Variants in HRH1 observed in about 807,000 individuals in gnomAD.
HRH1 encodes the protein histamine receptor H1, also known as histamine H1 receptor.
Under a neutral mutation model 10.3 loss-of-function variants are expected in HRH1, and 6 were observed. The observed-to-expected ratio is 0.58, with a 90% CI of 0.32 to 1.15. The LOEUF (loss-of-function observed/expected upper bound fraction) is 1.15, where lower values mean the gene tolerates loss of function less well. Among genes scored for constraint, HRH1 ranks in the 50% most tolerant of loss-of-function variants. The pLI, the probability that HRH1 is intolerant of heterozygous loss-of-function variation, is 0.05. For synonymous variants in HRH1, 242 were observed against 236.7 expected (o/e 1.02, Z -0.21); for missense variants, 514 against 615.3 (o/e 0.84, Z 1.74).
At chr3:11,153,581 G>A (rs1383180574), upstream of HRH1, among the ~76,000 whole-genome samples, 2 of 150,364 alleles carry the variant, frequency 1.3e-5, no homozygotes, top group African/African-American at 4.9e-5. Flanking sequence ...CGAAACTGCT[G>A]GGGTAAAATC....
intron 1 of HRH1, among the ~76,000 whole-genome samples, chr3:11,256,779 C>CA (rs1402296817): frequency 6.6e-6 from 1 of 151,928 alleles, no homozygotes; most frequent in African/African-American, 2.4e-5. Context: ...AGTCTGGCGA[C>CA]AGAGCGAGAC....
chr3:11,193,578 G>A (rs900404838), intron 1 of HRH1, among the ~76,000 whole-genome samples: 1 of 152,160 alleles, frequency 6.6e-6, no homozygotes, highest in Non-Finnish European at 1.5e-5. Flanking sequence ...CACATGGTGG[G>A]AAGGGTGTCT....
At position 11,261,120 on chromosome 3, in the gene HRH1, C is replaced by T. The variant is rs201623131; in HGVS notation, c.*619C>T. 6.0e-6 allele frequency: 1 copy of T among 167,080 alleles called. No homozygotes were observed. Among genetic ancestry groups the T allele is most frequent in the Non-Finnish European group, 1.5e-5 (1 of 68,136 alleles). The allele number at this position is 167,080 out of a possible 1,614,324, so 10.3% of individuals were successfully genotyped here. A position where few individuals can be genotyped will look rare whatever the true frequency, so the allele number is the denominator to read the frequency against. On this transcript the variant is annotated 3_prime_UTR_variant, in exon 2 of 2. Transcript: ENST00000431010. ...TCTCCAGAACCAGTGTCTGAACCAC[C>T]CTGGAAATTCTGCCTTATTATTTCT... is the stretch of plus-strand genomic sequence containing the variant.
rs917472419 is a variant in HRH1, at chr3:11,156,626, C to T, written c.-36+2072C>T. On this transcript the variant is annotated intron_variant, in intron 1 of 1. Transcript: ENST00000431010. ...TTGTGGCCTTGGTCAAGTTGCTACACGTCTCCGTTCCTTGGTTTCCCCATT... is the reference window on the plus strand; with the variant it reads ...TTGTGGCCTTGGTCAAGTTGCTACATGTCTCCGTTCCTTGGTTTCCCCATT... 4.6e-5 allele frequency among the ~76,000 whole-genome samples: 7 copies of T among 152,214 alleles called. No individual in the cohort carries two copies. The East Asian group carries it at 7.7e-4, about 17-fold the overall frequency.
intron 1 of HRH1, chr3:11,234,396 C>G: frequency 1.2e-6 from 2 of 1,605,212 alleles, no homozygotes; most frequent in Non-Finnish European, 1.7e-6. Context: ...TGCAGGCATT[C>G]CTGCATGGCC....
At chr3:11,256,229 A>G (rs1245235400) in intron 1 of HRH1, among the ~76,000 whole-genome samples, 1 of 152,100 alleles carries the variant, frequency 6.6e-6, no homozygotes, top group African/African-American at 2.4e-5. Context: ...CAATCAGAGG[A>G]TTGCTCTGAT....
chr3:11,237,273 G>A (rs1055920520), intron 1 of HRH1, among the ~76,000 whole-genome samples: 9 of 152,228 alleles, frequency 5.9e-5, no homozygotes, highest in Non-Finnish European at 7.4e-5. Flanking sequence ...CTTTTCTCAC[G>A]TTAGCACGGA....
intron 1 of HRH1, among the ~76,000 whole-genome samples, chr3:11,228,900 T>A: frequency 7.8e-6 from 1 of 127,816 alleles, no homozygotes; most frequent in African/African-American, 3.2e-5. Context: ...GGTGACAGAA[T>A]GAGAGTATGT....
At chr3:11,165,247 A>G (rs890877415) in intron 1 of HRH1, among the ~76,000 whole-genome samples, 1 of 152,208 alleles carries the variant, frequency 6.6e-6, no homozygotes, top group Admixed American at 6.5e-5. Context: ...ATTTGGGGCA[A>G]TAGCCCAGCA....
rs547353460 is a variant in HRH1, at chr3:11,167,098, T to A, written c.-36+12544T>A. The stretch of plus-strand genomic sequence containing the variant: ...CCCTGCATTCTCCAGGCCTGTGACA[T>A]CTGCTGTTCCCTGGATTCCCCAGGC... On this transcript the variant is annotated intron_variant, in intron 1 of 1. Coordinates refer to ENST00000431010, the MANE Select transcript of HRH1 (RefSeq NM_001098212.2). 5.3e-4 allele frequency among the ~76,000 whole-genome samples: 79 copies of A among 148,306 alleles called. 1 individual carries two copies. Among genetic ancestry groups the A allele is most frequent in the Admixed American group, 4.5e-3 (67 of 14,946 alleles).
intron 1 of HRH1, among the ~76,000 whole-genome samples, chr3:11,141,036 G>T (rs1211909379): frequency 1.3e-5 from 2 of 152,094 alleles, no homozygotes; most frequent in Non-Finnish European, 2.9e-5. Context: ...CCCAAGCTAT[G>T]AGGCCCAAGT....
intron 1 of HRH1, among the ~76,000 whole-genome samples, chr3:11,174,282 T>C (rs528213833): frequency 6.6e-6 from 1 of 152,242 alleles, no homozygotes; most frequent in East Asian, 1.9e-4. Flanking sequence ...CAAGACCAGA[T>C]TCCATGGCTC....
intron 1 of HRH1, among the ~76,000 whole-genome samples, chr3:11,190,357 A>G (rs1937515115): frequency 6.8e-6 from 1 of 146,948 alleles, no homozygotes; most frequent in Admixed American, 6.7e-5. Context: ...AGTAATATAT[A>G]TATATATATT....
chr3:11,246,131 C>T (rs1939479473), intron 1 of HRH1, among the ~76,000 whole-genome samples: 1 of 152,070 alleles, frequency 6.6e-6, no homozygotes, highest in Admixed American at 6.6e-5. Context: ...CACATTCACT[C>T]ACACATTCAC....
intron 1 of HRH1, among the ~76,000 whole-genome samples, chr3:11,243,680 T>A (rs2152581983): frequency 1.3e-5 from 2 of 152,214 alleles, no homozygotes; most frequent in South Asian, 4.2e-4. Context: ...GTACTTTGAG[T>A]CTTTCTTCTA....
chr3:11,236,194 C>T (rs1939177050), intron 1 of HRH1, among the ~76,000 whole-genome samples: 1 of 152,226 alleles, frequency 6.6e-6, no homozygotes, highest in Non-Finnish European at 1.5e-5. Flanking sequence ...CCTGTAATCT[C>T]AGCACTTTGG....
rs1453398929 is a variant in HRH1, at chr3:11,259,073, C to T, written c.36C>T (p.Asp12=). 3.1e-6 allele frequency: 5 copies of T among 1,610,424 alleles called. No individual in the cohort carries two copies. Among genetic ancestry groups the T allele is most frequent in the African/African-American group, 1.3e-5 (1 of 74,794 alleles). Residue 12 remains aspartate (D), a synonymous_variant, in exon 2 of 2, where the codon GAC becomes GAT. Transcript: ENST00000431010. This position sits in a 1 kb window ranked among gnomAD's most constrained non-coding sequence, Gnocchi z 4.6. The stretch of plus-strand genomic sequence containing the variant: ...CCAATTCCTCCTGCCTCTTAGAAGA[C>T]AAGATGTGTGAGGGCAACAAGACCA... ...SLPNSSCLLE[D]KMCEGNKTTM...
upstream of HRH1, among the ~76,000 whole-genome samples, chr3:11,150,088 C>G (rs950218864): frequency 6.6e-6 from 1 of 152,206 alleles, no homozygotes; most frequent in Non-Finnish European, 1.5e-5. Context: ...AATGAAAGTG[C>G]CTTTCTGAAA....
chr3:11,258,952 G>A, intron 1 of HRH1, 51 bp from the exon 2 acceptor site: 1 of 1,326,996 alleles, frequency 7.5e-7, no homozygotes. Flanking sequence ...CTACTAAGTG[G>A]CCACTCATCA....
Sources: allele counts gnomAD v4.1 joint callset (sites outside exome capture counted in the v4.1 genomes callset), GRCh38; gene constraint gnomAD v4.1.1; non-coding constraint Gnocchi (gnomAD v3.1); transcripts MANE v1.5; gene names NCBI Gene and HGNC (gene_info 2026-07-23, HGNC 2026-07-21).